RASGEF1C: variants seen among roughly 807,000 people sequenced by gnomAD.
RASGEF1C encodes ras-GEF domain-containing family member 1C.
In RASGEF1C, 27 loss-of-function variants were observed where a neutral mutation model predicts 58.1. The ratio of observed to expected loss-of-function variants is 0.46; its 90% CI spans 0.34 to 0.64. The LOEUF (loss-of-function observed/expected upper bound fraction) is 0.64, where lower values mean the gene tolerates loss of function less well. Ranked by LOEUF, RASGEF1C falls within the 30% of genes least tolerant of loss-of-function variation. The pLI is 0.01. For missense variants in RASGEF1C, 502 were observed against 605.1 expected (o/e 0.83, Z 1.79); for synonymous variants, 243 against 246.3 (o/e 0.99, Z 0.13).
At chr5:180,194,329 T>C (rs1323684585) in intron 1 of RASGEF1C, among the ~76,000 whole-genome samples, 1 of 152,224 alleles carries the variant, frequency 6.6e-6, no homozygotes, top group African/African-American at 2.4e-5. Context: ...CTCTTTCTTA[T>C]ACTCGCTGTT....
At chr5:180,182,291 G>C (rs1441498809) in intron 1 of RASGEF1C, among the ~76,000 whole-genome samples, 1 of 151,042 alleles carries the variant, frequency 6.6e-6, no homozygotes, top group African/African-American at 2.4e-5. Flanking sequence ...GGTGTGTCTG[G>C]AGTTTCTTCC....
At chr5:180,127,375 G>A (rs1766279962) in intron 6 of RASGEF1C, among the ~76,000 whole-genome samples, 1 of 152,234 alleles carries the variant, frequency 6.6e-6, no homozygotes, top group Admixed American at 6.5e-5. Flanking sequence ...CTCCCTCGCT[G>A]GGTGGGTGAC....
At chr5:180,113,228 CAG>C (rs1276987223) in intron 11 of RASGEF1C, among the ~76,000 whole-genome samples, 2 of 59,106 alleles carry the variant, frequency 3.4e-5, no homozygotes, top group African/African-American at 6.0e-5. Flanking sequence ...GACGGAGGGA[CAG>C]GGGATGGACG....
chr5:180,123,992 C>T (rs1045133906), intron 6 of RASGEF1C, among the ~76,000 whole-genome samples: 1 of 152,010 alleles, frequency 6.6e-6, no homozygotes, highest in Non-Finnish European at 1.5e-5. Flanking sequence ...ACAAAACAGA[C>T]TAAAGAAGAA....
chr5:180,179,441 AG>A (rs749750130), intron 1 of RASGEF1C, among the ~76,000 whole-genome samples: 3 of 152,142 alleles, frequency 2.0e-5, no homozygotes, highest in Admixed American at 2.0e-4. Context: ...GGAGCAGCCC[AG>A]GGAACCCATG....
chr5:180,119,209 C>T, intron 8 of RASGEF1C, 137 bp downstream of exon 8: 1 of 765,946 alleles, frequency 1.3e-6, no homozygotes, highest in Non-Finnish European at 2.2e-6. Context: ...CTGCCCAGGC[C>T]TTCAGAGAGC....
intron 1 of RASGEF1C, among the ~76,000 whole-genome samples, chr5:180,188,947 T>C (rs896465361): frequency 1.3e-5 from 2 of 152,092 alleles, no homozygotes; most frequent in Non-Finnish European, 2.9e-5. Flanking sequence ...TCTAGTATAA[T>C]AAGACAAAAG....
chr5:180,204,429 T>C (rs1756454804), intron 1 of RASGEF1C, among the ~76,000 whole-genome samples: 2 of 152,228 alleles, frequency 1.3e-5, no homozygotes, highest in South Asian at 4.1e-4. Context: ...TTAATATTCA[T>C]ACGTTTTGTG....
chr5:180,126,219 T>A (rs143076777), intron 6 of RASGEF1C, among the ~76,000 whole-genome samples: 1,640 of 152,210 alleles, frequency 0.011, 19 homozygotes, highest in African/African-American at 0.032. Context: ...CATCATGGCT[T>A]ACACGGTGAA....
chr5:180,169,578 G>T (rs552262906), intron 1 of RASGEF1C, among the ~76,000 whole-genome samples: 1 of 151,178 alleles, frequency 6.6e-6, no homozygotes, highest in East Asian at 2.0e-4. Flanking sequence ...TGGGAGAGGG[G>T]GCTGGGGGAC....
At chr5:180,145,522 C>T (rs1294202923) in intron 1 of RASGEF1C, among the ~76,000 whole-genome samples, 3 of 152,190 alleles carry the variant, frequency 2.0e-5, no homozygotes, top group African/African-American at 7.2e-5. Flanking sequence ...AATGGCCATC[C>T]TAATGGGTGG....
chr5:180,182,203 T>TC (rs1202394896), intron 1 of RASGEF1C, among the ~76,000 whole-genome samples: 6 of 28,670 alleles, frequency 2.1e-4, no homozygotes, highest in Non-Finnish European at 3.1e-4. Context: ...AGACTCCGTC[T>TC]CAAAAAAAAA....
At chr5:180,111,431 G>C in intron 12 of RASGEF1C, 26 bp downstream of exon 12, 2 of 1,613,992 alleles carry the variant, frequency 1.2e-6, no homozygotes, top group Admixed American at 1.7e-5. Context: ...GGCCCAGTAG[G>C]CAGGAGGGCT....
chr5:180,138,173 CTTT>C, intron 1 of RASGEF1C, 115 bp from the exon 2 acceptor site: 1 of 594,198 alleles, frequency 1.7e-6, no homozygotes, highest in Non-Finnish European at 2.8e-6. Flanking sequence ...CCCACAGCCA[CTTT>C]GTGCCAGCTT....
chr5:180,121,681 A>ACAGC (rs71892414), intron 6 of RASGEF1C, among the ~76,000 whole-genome samples: 1 of 73,468 alleles, frequency 1.4e-5, no homozygotes, highest in African/African-American at 3.4e-5. Context: ...ACACACACAC[A>ACAGC]CCCTCATTAT....
At chr5:180,136,897 G>A (rs983308350) in intron 3 of RASGEF1C, 12 of 217,616 alleles carry the variant, frequency 5.5e-5, no homozygotes, top group Middle Eastern at 3.3e-3. Context: ...AGGTGGCCAC[G>A]TGACCTAGGA....
intron 1 of RASGEF1C, among the ~76,000 whole-genome samples, chr5:180,203,790 T>C (rs1035705549): frequency 6.6e-5 from 10 of 151,656 alleles, no homozygotes; most frequent in African/African-American, 2.4e-4. Context: ...AGGCCAGGAG[T>C]TCGAGACCAG....
chr5:180,164,567 C>T (rs547116799), intron 1 of RASGEF1C, among the ~76,000 whole-genome samples: 35 of 152,254 alleles, frequency 2.3e-4, no homozygotes, highest in African/African-American at 6.0e-4. Context: ...TATTTAGATA[C>T]GTGCTTAATT....
intron 1 of RASGEF1C, among the ~76,000 whole-genome samples, chr5:180,191,906 C>T (rs371282215): frequency 6.6e-6 from 1 of 152,188 alleles, no homozygotes; most frequent in Non-Finnish European, 1.5e-5. Flanking sequence ...TCATCCTAGC[C>T]TGGGCATCCT....
Sources: allele counts gnomAD v4.1 joint callset (sites outside exome capture counted in the v4.1 genomes callset), GRCh38; gene constraint gnomAD v4.1.1; transcripts MANE v1.5; gene names NCBI Gene and HGNC (gene_info 2026-07-23, HGNC 2026-07-21).